Variants in DISP1 observed in about 807,000 individuals in gnomAD.
DISP1 encodes the protein dispatched RND transporter family member 1.
In DISP1, 30 loss-of-function variants were observed where a neutral mutation model predicts 37.3. The ratio of observed to expected loss-of-function variants is 0.80; its 90% CI spans 0.60 to 1.09. The LOEUF is 1.09. Among genes scored for constraint, DISP1 ranks in the 50% least tolerant of loss-of-function variants. DISP1 has a pLI of 0.00. For missense variants in DISP1, 1,598 were observed against 1,879.5 expected, an observed-to-expected ratio of 0.85 and a Z score of 2.77; for synonymous variants, 634 against 690.2, an observed-to-expected ratio of 0.92 and a Z score of 1.28.
chr1:222,991,499 G>A (rs1458244430), intron 5 of DISP1, 21 bp from the exon 6 acceptor site: 4 of 1,613,334 alleles, frequency 2.5e-6, no homozygotes, highest in Non-Finnish European at 3.4e-6. Context: ...ATACTAATGA[G>A]CACCTGTAAT....
chr1:222,948,585 G>C (rs1674963574), intron 3 of DISP1, among the ~76,000 whole-genome samples: 1 of 152,152 alleles, frequency 6.6e-6, no homozygotes, highest in African/African-American at 2.4e-5. Flanking sequence ...TCTCGACCAG[G>C]AACTTCAAGT....
chr1:223,004,241 C>G lies in DISP1; in HGVS notation c.2844C>G (p.Asp948Glu). 6.2e-7 allele frequency: 1 copy of G among 1,614,122 alleles called. No homozygotes were observed. The highest frequency in any genetic ancestry group is 8.5e-7 in the Non-Finnish European group (1 of 1,180,030). ...TGCATCAGTTTTATAAAGAGGTGGACTCGTGGATATCCAGTGAGCTGAGTT... is the reference window on the plus strand; with the variant it reads ...TGCATCAGTTTTATAAAGAGGTGGAGTCGTGGATATCCAGTGAGCTGAGTT... Reference protein sequence around the residue: ...EKMHQFYKEVDSWISSELSSA... With the variant: ...EKMHQFYKEVESWISSELSSA... The change falls in exon 9 of 9, where the codon GAC becomes GAG. Residue 948 changes from aspartate to glutamate, a missense_variant. Asp to Glu is a conservative substitution (Grantham distance 45). Transcript: ENST00000675850. This position sits in a 1 kb window ranked among gnomAD's most constrained non-coding sequence, Gnocchi z 4.9.
rs1035904496 is a variant in DISP1 at position 222,994,349 on chromosome 1, T to G, written c.890-536T>G. ...TTTGTTAATCTGATTTTCAAAATAT[T>G]TTTTCTAGCCTCTAGTGTACCAGAG... On this transcript the variant is annotated intron_variant, in intron 7 of 8. Transcript: ENST00000675850. Among the ~76,000 whole-genome samples, 4 of 152,190 alleles carry G rather than the reference T, an allele frequency of 2.6e-5. No homozygotes were observed. In the South Asian group the frequency reaches 8.3e-4, roughly 32 times the overall value.
At chr1:222,892,654 A>T (rs1263456557) in intron 1 of DISP1, among the ~76,000 whole-genome samples, 1 of 152,228 alleles carries the variant, frequency 6.6e-6, no homozygotes, top group Non-Finnish European at 1.5e-5. Context: ...AATACTTTTG[A>T]CAGAATAAAT....
At chr1:222,962,967 G>A (rs184632135) in intron 3 of DISP1, among the ~76,000 whole-genome samples, 366 of 152,266 alleles carry the variant, frequency 2.4e-3, no homozygotes, top group African/African-American at 8.6e-3. Flanking sequence ...CACAGCAAAA[G>A]AAACTATCAC....
At chr1:222,894,741 C>T (rs1275420822) in intron 1 of DISP1, among the ~76,000 whole-genome samples, 2 of 152,226 alleles carry the variant, frequency 1.3e-5, no homozygotes, top group African/African-American at 4.8e-5. Context: ...GTTCCCGCTC[C>T]CGCTGGCTCC....
intron 1 of DISP1, among the ~76,000 whole-genome samples, chr1:222,851,559 C>G (rs1240757554): frequency 6.6e-6 from 1 of 152,168 alleles, no homozygotes; most frequent in Non-Finnish European, 1.5e-5. Flanking sequence ...AAGTGTTACT[C>G]AGCACATATA....
chr1:222,998,992 C>G (rs182380537), intron 8 of DISP1, among the ~76,000 whole-genome samples: 1 of 152,194 alleles, frequency 6.6e-6, no homozygotes, highest in East Asian at 1.9e-4. Flanking sequence ...GTCAATTGAA[C>G]CTGGTATTAA....
rs76157219 is a variant in DISP1 at position 223,001,427 on chromosome 1, T to G, written c.988-958T>G. Among the ~76,000 whole-genome samples, 526 of 152,318 alleles carry G rather than the reference T, an allele frequency of 3.5e-3. 1 individual carries two copies. The highest frequency in any genetic ancestry group is 0.012 in the African/African-American group (480 of 41,574). ...ATCCAGAAACATTGCCCTTTTCTAC[T>G]CATACTTCAGGAAACAATTTTATTC... On this transcript the variant is annotated intron_variant, in intron 8 of 8. Coordinates refer to ENST00000675850, the MANE Select transcript of DISP1 (RefSeq NM_001377229.1).
intron 3 of DISP1, among the ~76,000 whole-genome samples, chr1:222,944,875 A>T (rs938992129): frequency 6.6e-6 from 1 of 152,220 alleles, no homozygotes; most frequent in African/African-American, 2.4e-5. Flanking sequence ...ACTTCTGATT[A>T]AAGAGTCAGG....
chr1:222,935,624 T>G (rs2254329), intron 2 of DISP1, among the ~76,000 whole-genome samples: 83,581 of 151,964 alleles, frequency 0.55, 23,359 homozygotes, highest in South Asian at 0.72. Context: ...GTGTACAATT[T>G]TAACAGTTGA....
intron 1 of DISP1, among the ~76,000 whole-genome samples, chr1:222,897,644 T>C (rs113367678): frequency 1.8e-4 from 27 of 152,292 alleles, no homozygotes; most frequent in African/African-American, 6.5e-4. Context: ...GGCAATTCAA[T>C]GAACCTGTCA....
At chr1:222,915,171 G>A (rs931440147) in intron 1 of DISP1, among the ~76,000 whole-genome samples, 3 of 152,120 alleles carry the variant, frequency 2.0e-5, no homozygotes, top group Non-Finnish European at 2.9e-5. Context: ...AAAAGCAATT[G>A]TTTCCAAAAG....
intron 1 of DISP1, among the ~76,000 whole-genome samples, chr1:222,865,416 G>A (rs533370941): frequency 1.3e-5 from 2 of 152,222 alleles, no homozygotes; most frequent in South Asian, 4.1e-4. Context: ...AAACATTTAA[G>A]TTGTCCCCTC....
At chr1:222,828,056 T>C (rs1664854345) in intron 1 of DISP1, among the ~76,000 whole-genome samples, 1 of 152,216 alleles carries the variant, frequency 6.6e-6, no homozygotes, top group South Asian at 2.1e-4. Flanking sequence ...CTAGGTATAG[T>C]GTACTTGCAT....
intron 4 of DISP1, among the ~76,000 whole-genome samples, chr1:222,985,008 C>T (rs778892350): frequency 1.1e-4 from 16 of 152,058 alleles, no homozygotes; most frequent in Non-Finnish European, 2.1e-4. Context: ...TATGTATATA[C>T]TACATTTTGT....
chr1:222,936,625 ATC>A (rs1553331421), intron 2 of DISP1, among the ~76,000 whole-genome samples: 12,719 of 114,938 alleles, frequency 0.11, 1,334 homozygotes, highest in Non-Finnish European at 0.15. Context: ...AGATATATAT[ATC>A]TCTCATATAT....
rs149067708 is a variant in DISP1, at chr1:222,854,659, A to G, written c.-159+39581A>G. On this transcript the variant is annotated intron_variant, in intron 1 of 8. Coordinates refer to ENST00000675850, the MANE Select transcript of DISP1 (RefSeq NM_001377229.1). ...GGACACTGATCCTTTTATGTTAAAG[A>G]TGGTGAACTGGTGAGTTGCAGTGTT... 4.7e-4 allele frequency among the ~76,000 whole-genome samples: 72 copies of G among 152,176 alleles called. 1 individual carries two copies. The highest frequency in any genetic ancestry group is 1.4e-3 in the African/African-American group (60 of 41,524).
intron 2 of DISP1, among the ~76,000 whole-genome samples, chr1:222,936,888 A>AT (rs1558340372): frequency 2.5e-5 from 1 of 40,016 alleles, no homozygotes; most frequent in African/African-American, 7.9e-5. Flanking sequence ...TGATATATAT[A>AT]ATATATTATT....
Sources: gnomAD v4.1 joint callset for allele counts (sites outside exome capture counted in the v4.1 genomes callset) on GRCh38, gnomAD v4.1.1 for gene constraint, Gnocchi (gnomAD v3.1) non-coding constraint, MANE v1.5 for transcripts, NCBI Gene and HGNC (gene_info 2026-07-23, HGNC 2026-07-21) for gene names.